Variants in ZNF429 observed in about 807,000 individuals in gnomAD.
The protein encoded by ZNF429 is zinc finger protein 429.
Under a neutral mutation model 56.8 loss-of-function variants are expected in ZNF429, and 53 were observed. The observed-to-expected ratio is 0.93, with a 90% CI of 0.75 to 1.17. The LOEUF is 1.17. Among genes scored for constraint, ZNF429 ranks in the 50% most tolerant of loss-of-function variants. The probability of loss-of-function intolerance (pLI) is 0.00; values close to 1 mark genes in which losing one functional copy is unlikely to be tolerated. For missense variants in ZNF429, 849 were observed against 788.4 expected (o/e 1.08, Z -0.92); for synonymous variants, 278 against 264.7 (o/e 1.05, Z -0.49).
At chr19:21,535,389 CTTTCTTTCTTTCTTTCTTTT>C in intron 3 of ZNF429, among the ~76,000 whole-genome samples, 1 of 33,406 alleles carries the variant, frequency 3.0e-5, no homozygotes, top group Non-Finnish European at 5.2e-5. Context: ...TTTTTACTTT[CTTTCTTTCTTTCTTTCTTTT>C]TCTTTTCTTT....
At chr19:21,526,153 G>GTT (rs940983050) in intron 1 of ZNF429, among the ~76,000 whole-genome samples, 2 of 151,602 alleles carry the variant, frequency 1.3e-5, no homozygotes, top group African/African-American at 4.8e-5. Flanking sequence ...ACTTTAATCT[G>GTT]TTATGAAAAG....
At chr19:21,535,941 AG>A in intron 3 of ZNF429, among the ~76,000 whole-genome samples, 1 of 152,202 alleles carries the variant, frequency 6.6e-6, no homozygotes, top group African/African-American at 2.4e-5. Flanking sequence ...AAACAAAATG[AG>A]GAGCTGGCAA....
chr19:21,516,320 C>G (rs1210219284), intron 1 of ZNF429, among the ~76,000 whole-genome samples: 1 of 152,074 alleles, frequency 6.6e-6, no homozygotes, highest in East Asian at 1.9e-4. Context: ...ATCCCCTGAC[C>G]TTGTGATCCA....
intron 3 of ZNF429, among the ~76,000 whole-genome samples, chr19:21,534,992 CTTT>C: frequency 1.6e-5 from 2 of 126,252 alleles, no homozygotes; most frequent in Non-Finnish European, 3.3e-5. Context: ...TGTGTTTTTT[CTTT>C]TTTTTTTTTT....
chr19:21,509,997 C>T (rs1422250657), intron 1 of ZNF429, among the ~76,000 whole-genome samples: 2 of 151,958 alleles, frequency 1.3e-5, no homozygotes, highest in African/African-American at 4.8e-5. Context: ...CAACCTCCAC[C>T]TCCCGGGTTC....
chr19:21,533,518 C>G, intron 3 of ZNF429, among the ~76,000 whole-genome samples: 1 of 149,990 alleles, frequency 6.7e-6, no homozygotes, highest in Non-Finnish European at 1.5e-5. Flanking sequence ...GCGGCCAAGT[C>G]CAATGTCATG....
chr19:21,535,430 TTC>T, intron 3 of ZNF429, among the ~76,000 whole-genome samples: 439 of 19,918 alleles, frequency 0.022, 46 homozygotes, highest in African/African-American at 0.071. Flanking sequence ...CTTTCTTTCT[TTC>T]TTTCTTTCTT....
At chr19:21,522,357 A>G (rs2033013415) in intron 1 of ZNF429, among the ~76,000 whole-genome samples, 1 of 152,012 alleles carries the variant, frequency 6.6e-6, no homozygotes, top group Non-Finnish European at 1.5e-5. Context: ...TATAATGACT[A>G]TTTTTCTGTC....
At chr19:21,510,810 T>G (rs2032417373) in intron 1 of ZNF429, among the ~76,000 whole-genome samples, 1 of 152,034 alleles carries the variant, frequency 6.6e-6, no homozygotes, top group African/African-American at 2.4e-5. Context: ...TTCAAGCATC[T>G]GTTTAACAAA....
At chr19:21,512,875 C>CT (rs796247587) in intron 1 of ZNF429, among the ~76,000 whole-genome samples, 1,609 of 142,488 alleles carry the variant, frequency 0.011, 28 homozygotes, top group African/African-American at 0.036. Flanking sequence ...CCATCTAAGT[C>CT]TTTTTTTTTT....
At chr19:21,528,668 CCA>C (rs2033257527) in intron 1 of ZNF429, among the ~76,000 whole-genome samples, 1 of 151,832 alleles carries the variant, frequency 6.6e-6, no homozygotes, top group Non-Finnish European at 1.5e-5. Flanking sequence ...TTGTGCCATT[CCA>C]CTCCAGCCTG....
chr19:21,506,892 C>T (rs750618815), intron 1 of ZNF429, among the ~76,000 whole-genome samples: 26 of 151,652 alleles, frequency 1.7e-4, no homozygotes, highest in Middle Eastern at 6.8e-3. Context: ...CCTCAGCCTC[C>T]TGAGTAGCTG....
At chr19:21,526,751 TGACA>T (rs2033185729) in intron 1 of ZNF429, among the ~76,000 whole-genome samples, 2 of 152,234 alleles carry the variant, frequency 1.3e-5, no homozygotes, top group Non-Finnish European at 2.9e-5. Flanking sequence ...AAATAATTTC[TGACA>T]GACAACCTTG....
At chr19:21,514,997 G>A (rs1219294543) in intron 1 of ZNF429, among the ~76,000 whole-genome samples, 2 of 151,156 alleles carry the variant, frequency 1.3e-5, no homozygotes, top group Non-Finnish European at 1.5e-5. Flanking sequence ...CTGGAGTGCA[G>A]TGGCGTGATC....
chr19:21,528,862 A>G (rs909952432), intron 1 of ZNF429, among the ~76,000 whole-genome samples: 1 of 152,242 alleles, frequency 6.6e-6, no homozygotes, highest in Admixed American at 6.5e-5. Context: ...GCACCAGCAC[A>G]TCATAAAAAT....
chr19:21,510,928 A>G (rs2032424275), intron 1 of ZNF429, among the ~76,000 whole-genome samples: 1 of 152,078 alleles, frequency 6.6e-6, no homozygotes, highest in Non-Finnish European at 1.5e-5. Context: ...ATCCCAAGGC[A>G]GAAGAATTTT....
Position 21,535,348 on chromosome 19 carries a change from C to CTTT in ZNF429, c.227-932_227-931insTTT. ...CTTTCTCTTTTCTTTTCTTTCCTTT[C>CTTT]CTTTCTTTTCTTCTTTCTTTCTTTC... On this transcript the variant is annotated intron_variant, in intron 3 of 3. Coordinates refer to ENST00000358491, the MANE Select transcript of ZNF429 (RefSeq NM_001001415.4). Among the ~76,000 whole-genome samples, 45 of 45,084 alleles carry CTTT rather than the reference C, an allele frequency of 1.0e-3. 1 individual carries two copies. The highest frequency in any genetic ancestry group is 2.4e-3 in the African/African-American group (23 of 9,650). The allele number at this position is 45,084 out of a possible 152,430, so 29.6% of individuals were successfully genotyped here. A position where few individuals can be genotyped will look rare whatever the true frequency, so the allele number is the denominator to read the frequency against.
intron 1 of ZNF429, among the ~76,000 whole-genome samples, chr19:21,513,045 T>C (rs890902709): frequency 6.6e-6 from 1 of 151,960 alleles, no homozygotes; most frequent in African/African-American, 2.4e-5. Flanking sequence ...TAATTTTTTC[T>C]ATTTTTCAGT....
intron 1 of ZNF429, among the ~76,000 whole-genome samples, chr19:21,511,960 G>C (rs563022168): frequency 6.6e-6 from 1 of 152,060 alleles, no homozygotes; most frequent in Non-Finnish European, 1.5e-5. Context: ...GCCTGGAATC[G>C]CAGGCACTCG....
Sources: allele counts gnomAD v4.1 joint callset (sites outside exome capture counted in the v4.1 genomes callset), GRCh38; gene constraint gnomAD v4.1.1; transcripts MANE v1.5; gene names NCBI Gene and HGNC (gene_info 2026-07-23, HGNC 2026-07-21).